The following KMT2C variants were observed in gnomAD, a reference collection of about 807,000 sequenced individuals.
KMT2C encodes histone-lysine N-methyltransferase 2C.
In KMT2C, 88 loss-of-function variants were observed where a neutral mutation model predicts 507.9. The ratio of observed to expected loss-of-function variants is 0.17; its 90% CI spans 0.15 to 0.21. KMT2C has a LOEUF of 0.21. Among genes scored for constraint, KMT2C ranks in the 10% least tolerant of loss-of-function variants. KMT2C has a pLI of 1.00. For missense variants in KMT2C, 4,954 were observed against 5,957.8 expected (o/e 0.83, Z 5.55); for synonymous variants, 2,049 against 2,080.8 (o/e 0.98, Z 0.42).
intron 6 of KMT2C, among the ~76,000 whole-genome samples, chr7:152,290,553 C>A (rs1462262783): frequency 1.3e-5 from 2 of 151,292 alleles, no homozygotes; most frequent in Non-Finnish European, 2.9e-5. Context: ...CGTGATCCAC[C>A]CGCTTCAGCC....
intron 3 of KMT2C, among the ~76,000 whole-genome samples, chr7:152,316,971 T>C (rs939122314): frequency 3.3e-5 from 5 of 152,172 alleles, no homozygotes; most frequent in Non-Finnish European, 7.4e-5. Context: ...TTTCACCATA[T>C]CCCATTTCTG....
rs1563479395 is a variant in KMT2C at position 152,226,218 on chromosome 7, C to CATTT, written c.2977-1603_2977-1602insAAAT. On this transcript the variant is annotated intron_variant, in intron 18 of 58. Coordinates refer to ENST00000262189, the MANE Select transcript of KMT2C (RefSeq NM_170606.3). ...CAAGAGTTGGTTGTTCATTACAAGGCCTTTTTTTTTTTTTTTTTTTTTTTT... is the reference window on the plus strand; with the variant it reads ...CAAGAGTTGGTTGTTCATTACAAGGCATTTCTTTTTTTTTTTTTTTTTTTTTTTT... Among the ~76,000 whole-genome samples the CATTT allele has an allele frequency of 1.9e-3, 241 of 127,968 alleles. 14 individuals carry two copies. The highest frequency in any genetic ancestry group is 7.2e-3 in the African/African-American group (223 of 30,956). 84.0% of individuals were successfully genotyped at this position (127,968 alleles called of 152,430 possible). A position where few individuals can be genotyped will look rare whatever the true frequency, so the allele number is the denominator to read the frequency against.
rs2129115615 is a variant in KMT2C, at chr7:152,177,912, A to G, written c.7541T>C (p.Leu2514Pro). Residue 2514 changes from leucine to proline, a missense_variant, in exon 38 of 59, where the codon CTA (leucine) becomes CCA (proline). Transcript: ENST00000262189. ...QIQGSGVSPQ[L>P]RRSVSVDMPR... ...CATATCTACAGATACTGATCTTCTT[A>G]GCTGTGGAGAAACTCCAGATCCCTG... The G allele has an allele frequency of 6.2e-7, 1 of 1,606,070 alleles. No individual in the cohort carries two copies. Among genetic ancestry groups the G allele is most frequent in the Non-Finnish European group, 8.5e-7 (1 of 1,176,458 alleles).
chr7:152,298,434 G>C (rs899492588), intron 6 of KMT2C, among the ~76,000 whole-genome samples: 2 of 152,142 alleles, frequency 1.3e-5, no homozygotes. Flanking sequence ...GAAGAACAAA[G>C]ATAAGAACAA....
intron 4 of KMT2C, among the ~76,000 whole-genome samples, chr7:152,312,810 A>T (rs1034113635): frequency 1.6e-4 from 24 of 152,162 alleles, no homozygotes; most frequent in African/African-American, 5.8e-4. Context: ...CTAAAACTTA[A>T]ATCTTCTCCT....
chr7:152,300,345 G>A (rs1041031015), intron 6 of KMT2C, among the ~76,000 whole-genome samples: 1 of 152,174 alleles, frequency 6.6e-6, no homozygotes, highest in African/African-American at 2.4e-5. Context: ...ACTATATCTA[G>A]ACTATGGAAA....
At chr7:152,238,984 C>A in intron 14 of KMT2C, 158 bp from the exon 15 acceptor site, 3 of 593,408 alleles carry the variant, frequency 5.1e-6, no homozygotes, top group Admixed American at 3.7e-5. Context: ...TAATCACTAA[C>A]AGTGATTTAA....
intron 9 of KMT2C, among the ~76,000 whole-genome samples, chr7:152,259,981 C>CTG (rs2095740633): frequency 6.6e-6 from 1 of 152,162 alleles, no homozygotes; most frequent in African/African-American, 2.4e-5. Context: ...ATGAAAAACT[C>CTG]TGGTAACTAT....
chr7:152,315,385 T>C, intron 3 of KMT2C, 47 bp from the exon 4 acceptor site: 2 of 1,351,030 alleles, frequency 1.5e-6, no homozygotes, highest in Non-Finnish European at 1.1e-6. Context: ...AGTAGCTTTA[T>C]TCAACTGCTT....
intron 9 of KMT2C, among the ~76,000 whole-genome samples, 172 bp downstream of exon 9, chr7:152,262,844 T>C (rs2095802650): frequency 6.6e-6 from 1 of 152,206 alleles, no homozygotes. Context: ...GTGATGACTA[T>C]GTTCATTATC....
Position 152,163,587 on chromosome 7 carries a change from G to A in KMT2C, c.9990C>T (p.Pro3330=), listed in dbSNP as rs1371887692. 1.2e-6 allele frequency: 2 copies of A among 1,604,866 alleles called. No individual in the cohort carries two copies. The highest frequency in any genetic ancestry group is 1.7e-5 in the Admixed American group (1 of 59,578). ...TGTTGGGTTGCCATCCAGGTAAACT[G>A]GGCATTCTAACAGGGCTAGTATGGC... ...ISGHTSPVRM[P]SLPGWQPNSA... is the part of the protein sequence containing the mutation. The change falls in exon 43 of 59, where the codon CCC becomes CCT. Residue 3330 remains proline, a synonymous_variant. Coordinates refer to ENST00000262189, the MANE Select transcript of KMT2C (RefSeq NM_170606.3).
rs2096243349 is a variant in KMT2C at position 152,282,841 on chromosome 7, T to C, written c.850-8974A>G. Among the ~76,000 whole-genome samples, 3 of 152,076 alleles carry C rather than the reference T, an allele frequency of 2.0e-5. No homozygotes were observed. In the South Asian group the frequency reaches 6.2e-4, roughly 32 times the overall value. On this transcript the variant is annotated intron_variant, in intron 6 of 58. Transcript: ENST00000262189. ...TATATATAGCAAAGTGAATTTTATA[T>C]ATAATTCTTCAACATATTTTTAGAA...
intron 37 of KMT2C, 63 bp from the exon 38 acceptor site, chr7:152,178,073 A>C: frequency 6.0e-6 from 8 of 1,332,110 alleles, no homozygotes; most frequent in Non-Finnish European, 7.7e-6. Context: ...ATTTAGAGTT[A>C]AGTTGAAAAA....
At chr7:152,287,397 T>C (rs73483057) in intron 6 of KMT2C, among the ~76,000 whole-genome samples, 1 of 152,166 alleles carries the variant, frequency 6.6e-6, no homozygotes, top group African/African-American at 2.4e-5. Context: ...TTACTAGGTG[T>C]ACGTCTCCAT....
At chr7:152,412,549 G>A (rs4358716) in intron 1 of KMT2C, among the ~76,000 whole-genome samples, 30 of 151,364 alleles carry the variant, frequency 2.0e-4, no homozygotes, top group South Asian at 4.2e-4. Context: ...TCCTGGCTCC[G>A]TAAACAATTC....
chr7:152,302,239 C>T (rs2096575695), intron 6 of KMT2C, among the ~76,000 whole-genome samples: 1 of 151,918 alleles, frequency 6.6e-6, no homozygotes, highest in Non-Finnish European at 1.5e-5. Context: ...AAGAGTAAAA[C>T]ACCTGGTTTT....
chr7:152,239,447 T>C (rs2095344208), intron 14 of KMT2C, among the ~76,000 whole-genome samples: 2 of 152,212 alleles, frequency 1.3e-5, no homozygotes, highest in Non-Finnish European at 2.9e-5. Context: ...TGGTTTTGGT[T>C]TTTACTTAGG....
intron 1 of KMT2C, among the ~76,000 whole-genome samples, chr7:152,386,215 A>G (rs2097424620): frequency 6.6e-6 from 1 of 151,050 alleles, no homozygotes; most frequent in African/African-American, 2.4e-5. Context: ...AAAAGAAAAA[A>G]AAAAAAAAAG....
intron 9 of KMT2C, among the ~76,000 whole-genome samples, chr7:152,262,602 C>G (rs1317297751): frequency 6.6e-6 from 1 of 152,162 alleles, no homozygotes; most frequent in East Asian, 1.9e-4. Context: ...ATCTCCAGCA[C>G]TCAGTAATAA....
Sources: allele counts gnomAD v4.1 joint callset (sites outside exome capture counted in the v4.1 genomes callset), GRCh38; gene constraint gnomAD v4.1.1; transcripts MANE v1.5; gene names NCBI Gene and HGNC (gene_info 2026-07-23, HGNC 2026-07-21).